Variants in GALNT13 observed in about 807,000 individuals in gnomAD.
GALNT13 encodes polypeptide N-acetylgalactosaminyltransferase 13.
Under a neutral mutation model 64.2 loss-of-function variants are expected in GALNT13, and 28 were observed. That is an observed-to-expected ratio of 0.44 (90% CI 0.32 to 0.60). GALNT13 has a LOEUF of 0.60. GALNT13 is among the 20% of genes least tolerant of loss of function. The pLI, the probability that GALNT13 is intolerant of heterozygous loss-of-function variation, is 0.05. For missense variants in GALNT13, 577 were observed against 669.8 expected (o/e 0.86, Z 1.53); for synonymous variants, 214 against 224.6 (o/e 0.95, Z 0.42).
At chr2:153,417,574 C>G in the GALNT13 span, among the ~76,000 whole-genome samples, 1 of 152,060 alleles carries the variant, frequency 6.6e-6, no homozygotes, top group East Asian at 1.9e-4. Context: ...ATGGAACTAT[C>G]AGGATTTTCT....
At chr2:153,373,251 G>C in the GALNT13 span, among the ~76,000 whole-genome samples, 1 of 151,784 alleles carries the variant, frequency 6.6e-6, no homozygotes, top group Admixed American at 6.6e-5. Flanking sequence ...AAAGAAAGTT[G>C]GGCCAGTAAG....
chr2:154,160,943 T>A (rs1198823089), intron 4 of GALNT13, among the ~76,000 whole-genome samples: 2 of 152,176 alleles, frequency 1.3e-5, no homozygotes, highest in African/African-American at 4.8e-5. Flanking sequence ...AATTTGGGGG[T>A]AACTTATCAT....
In GALNT13 at chr2:154,024,856, T is replaced by C. The variant is rs1195879539; in HGVS notation, c.142+80217T>C. On this transcript the variant is annotated intron_variant, in intron 3 of 12. Transcript: ENST00000392825. ...CCTTTGGTCTTTGATGATGGTGACA[T>C]ACTGATGGGTTTTTGGTGTGGATGT... Among the ~76,000 whole-genome samples the C allele has an allele frequency of 2.6e-5, 4 of 152,308 alleles. No individual in the cohort carries two copies. The East Asian group carries it at 7.7e-4, about 29-fold the overall frequency.
chr2:153,105,245 C>A, the GALNT13 span, among the ~76,000 whole-genome samples: 1 of 151,698 alleles, frequency 6.6e-6, no homozygotes, highest in Non-Finnish European at 1.5e-5. Flanking sequence ...TGTAATCCAG[C>A]ATATAAACAG....
chr2:153,414,542 G>A, the GALNT13 span, among the ~76,000 whole-genome samples: 2 of 146,384 alleles, frequency 1.4e-5, no homozygotes, highest in African/African-American at 5.1e-5. Context: ...GTGAAGTCAT[G>A]ACAAGAACCA....
chr2:153,108,650 A>G, the GALNT13 span, among the ~76,000 whole-genome samples: 1 of 152,182 alleles, frequency 6.6e-6, no homozygotes, highest in Non-Finnish European at 1.5e-5. Context: ...GATATTCTCT[A>G]TTCCTACAAA....
rs569432231 is a variant in GALNT13 at position 154,250,489 on chromosome 2, A to G, written c.857+4507A>G. Among the ~76,000 whole-genome samples the G allele has an allele frequency of 3.3e-5, 5 of 151,834 alleles. No homozygotes were observed. The East Asian group carries it at 7.7e-4, about 24-fold the overall frequency. Reference sequence around the variant, plus strand: ...AGTTTGTTTGCACTTCAATTTTTTTATCAATTATTTCTTCACCTAGTGTTT... The same window carrying G: ...AGTTTGTTTGCACTTCAATTTTTTTGTCAATTATTTCTTCACCTAGTGTTT... On this transcript the variant is annotated intron_variant, in intron 7 of 12. Transcript: ENST00000392825.
the GALNT13 span, among the ~76,000 whole-genome samples, chr2:153,103,058 C>T: frequency 2.6e-5 from 4 of 152,116 alleles, no homozygotes; most frequent in Non-Finnish European, 5.9e-5. Context: ...ACCTCCCTCC[C>T]CACCCTTCAT....
the GALNT13 span, among the ~76,000 whole-genome samples, chr2:153,152,727 A>C: frequency 6.6e-6 from 1 of 152,160 alleles, no homozygotes; most frequent in African/African-American, 2.4e-5. Context: ...GTTCCTGCAA[A>C]GGATATGATC....
At chr2:153,250,833 G>A in the GALNT13 span, among the ~76,000 whole-genome samples, 3 of 151,954 alleles carry the variant, frequency 2.0e-5, no homozygotes, top group African/African-American at 4.8e-5. Flanking sequence ...CAATGAAAAC[G>A]CATGGACATA....
At chr2:153,532,115 A>T in the GALNT13 span, among the ~76,000 whole-genome samples, 2 of 150,646 alleles carry the variant, frequency 1.3e-5, no homozygotes, top group Non-Finnish European at 3.0e-5. Flanking sequence ...CCAACCACAC[A>T]TTTTCCCACC....
At chr2:154,019,631 CACACACACACACACACACACACAA>C (rs1176421048) in intron 3 of GALNT13, among the ~76,000 whole-genome samples, 2 of 148,938 alleles carry the variant, frequency 1.3e-5, no homozygotes, top group African/African-American at 4.9e-5. Flanking sequence ...CACACACACA[CACACACACACACACACACACACAA>C]AAGCAAGAAA....
At chr2:153,953,419 A>T (rs1424436070) in intron 3 of GALNT13, among the ~76,000 whole-genome samples, 2 of 152,140 alleles carry the variant, frequency 1.3e-5, no homozygotes, top group Non-Finnish European at 2.9e-5. Flanking sequence ...CTCACAAAAA[A>T]ATCTGTAAAG....
chr2:153,439,227 C>G, the GALNT13 span, among the ~76,000 whole-genome samples: 2 of 152,176 alleles, frequency 1.3e-5, no homozygotes, highest in African/African-American at 4.8e-5. Flanking sequence ...TCAGCCGCCC[C>G]TACTTGGGGG....
the GALNT13 span, among the ~76,000 whole-genome samples, chr2:153,719,001 C>T: frequency 6.6e-6 from 1 of 152,104 alleles, no homozygotes; most frequent in Non-Finnish European, 1.5e-5. Flanking sequence ...TTCCACTGGT[C>T]ATCATTAACT....
the GALNT13 span, among the ~76,000 whole-genome samples, chr2:153,821,504 A>T: frequency 8.3e-4 from 126 of 152,318 alleles, 1 homozygote; most frequent in African/African-American, 3.0e-3. Context: ...TAAGCAAAAA[A>T]ATTAAGGCAG....
chr2:153,300,741 T>C, the GALNT13 span, among the ~76,000 whole-genome samples: 2 of 152,172 alleles, frequency 1.3e-5, no homozygotes, highest in Admixed American at 6.5e-5. Flanking sequence ...TTATGTACCA[T>C]AACTGCCAAA....
intron 3 of GALNT13, among the ~76,000 whole-genome samples, chr2:154,123,249 G>A (rs768314038): frequency 2.0e-5 from 3 of 151,936 alleles, no homozygotes; most frequent in Non-Finnish European, 4.4e-5. Flanking sequence ...AGATGCATAG[G>A]TATGCTACCA....
the GALNT13 span, among the ~76,000 whole-genome samples, chr2:153,302,171 A>T: frequency 6.6e-6 from 1 of 152,132 alleles, no homozygotes; most frequent in Non-Finnish European, 1.5e-5. Flanking sequence ...TCCCACCAAA[A>T]AGTGTGCAAC....
Sources: gnomAD v4.1 joint callset for allele counts (sites outside exome capture counted in the v4.1 genomes callset) on GRCh38, gnomAD v4.1.1 for gene constraint, MANE v1.5 for transcripts, NCBI Gene and HGNC (gene_info 2026-07-23, HGNC 2026-07-21) for gene names.